The following DSCAM variants were observed in gnomAD, a reference collection of about 807,000 sequenced individuals.
DSCAM encodes the protein cell adhesion molecule DSCAM.
A neutral mutation model predicts 217.7 loss-of-function variants in DSCAM; 47 were observed. That is an observed-to-expected ratio of 0.22 (90% CI 0.17 to 0.28). DSCAM has a LOEUF of 0.28. Ranked by LOEUF, DSCAM falls within the 10% of genes least tolerant of loss-of-function variation. The probability of loss-of-function intolerance (pLI) is 1.00; values close to 1 mark genes in which losing one functional copy is unlikely to be tolerated. For synonymous variants in DSCAM, 1,056 were observed against 1,015.3 expected (o/e 1.04, Z -0.76); for missense variants, 2,080 against 2,618.3 (o/e 0.79, Z 4.49).
rs747284196 is a variant in DSCAM, at chr21:40,189,086, C to A, written c.2509G>T (p.Val837Leu). The A allele has an allele frequency of 6.8e-6, 11 of 1,614,166 alleles. No individual in the cohort carries two copies. The change falls in exon 12 of 33, where the codon GTG becomes TTG. Residue 837 changes from valine (V) to leucine (L), a missense_variant. Coordinates refer to ENST00000400454, the MANE Select transcript of DSCAM (RefSeq NM_001389.5). ...IINPEMARYLVSTKEVGEEVI... is the reference protein window; with the variant it reads ...IINPEMARYLLSTKEVGEEVI... ...TCTTCTCCCACCTCCTTGGTGGACA[C>A]AAGATAACGGGCCATCTCAGGGTTA...
chr21:40,754,668 GGGAAGTGTTGCTACTGGGCAGCT>G (rs1248886022), intron 1 of DSCAM, among the ~76,000 whole-genome samples: 11 of 152,188 alleles, frequency 7.2e-5, no homozygotes, highest in African/African-American at 2.7e-4. Context: ...GAGTCCTTAG[GGGAAGTGTTGCTACTGGGCAGCT>G]GGAAGTGCTG....
At chr21:40,533,571 A>ACCTG (rs1337900651) in intron 3 of DSCAM, among the ~76,000 whole-genome samples, 4 of 148,244 alleles carry the variant, frequency 2.7e-5, no homozygotes, top group African/African-American at 7.6e-5. Context: ...CCATCCATCC[A>ACCTG]TCCATCCATC....
intron 20 of DSCAM, among the ~76,000 whole-genome samples, chr21:40,096,046 G>A (rs1247568170): frequency 6.6e-6 from 1 of 152,176 alleles, no homozygotes; most frequent in Non-Finnish European, 1.5e-5. Flanking sequence ...AAAGGGAAAA[G>A]TCAAGCTGGG....
At chr21:40,455,932 T>G (rs1433493610) in intron 3 of DSCAM, among the ~76,000 whole-genome samples, 2 of 152,140 alleles carry the variant, frequency 1.3e-5, no homozygotes, top group African/African-American at 4.8e-5. Flanking sequence ...ATAACTGGTG[T>G]GCTCGGGGAA....
Position 40,321,034 on chromosome 21 carries a change from A to G in DSCAM, c.1784-8675T>C, listed in dbSNP as rs142238080. Among the ~76,000 whole-genome samples, 40 of 152,378 alleles carry G rather than the reference A, an allele frequency of 2.6e-4. No homozygotes were observed. The East Asian group carries it at 7.7e-3, about 29-fold the overall frequency. ...ATATCACATTCATTTGAAGAATCAT[A>G]CTACACATTACAAAATTGAATTATG... is the stretch of plus-strand genomic sequence containing the variant. On this transcript the variant is annotated intron_variant, in intron 8 of 32. Coordinates refer to ENST00000400454, the MANE Select transcript of DSCAM (RefSeq NM_001389.5).
chr21:40,801,909 G>C (rs1310900593), intron 1 of DSCAM, among the ~76,000 whole-genome samples: 1 of 152,084 alleles, frequency 6.6e-6, no homozygotes, highest in Non-Finnish European at 1.5e-5. Flanking sequence ...ACCACAAAGA[G>C]TTTCCACTAG....
chr21:40,332,120 C>T (rs529667869), intron 8 of DSCAM, among the ~76,000 whole-genome samples: 24 of 152,296 alleles, frequency 1.6e-4, no homozygotes, highest in South Asian at 1.5e-3. Context: ...TCTCCTTTTC[C>T]TCTCTCCAAT....
intron 27 of DSCAM, among the ~76,000 whole-genome samples, chr21:40,067,741 ATTCCCTCCCTCCCTCC>A (rs2089231363): frequency 3.7e-4 from 5 of 13,336 alleles, no homozygotes; most frequent in African/African-American, 9.1e-4. Context: ...CCCTCCCCTC[ATTCCCTCCCTCCCTCC>A]CTCCCTCCCT....
intron 3 of DSCAM, among the ~76,000 whole-genome samples, chr21:40,410,883 A>C (rs1242799774): frequency 2.4e-4 from 37 of 152,226 alleles, no homozygotes; most frequent in Non-Finnish European, 2.9e-5. Flanking sequence ...GCAGAAAGAA[A>C]AGAACATCAG....
intron 14 of DSCAM, among the ~76,000 whole-genome samples, chr21:40,185,518 C>T (rs2090884747): frequency 6.6e-6 from 1 of 152,166 alleles, no homozygotes; most frequent in South Asian, 2.1e-4. Flanking sequence ...TAGGAGAGGT[C>T]TCCTGTGTGC....
At chr21:40,707,074 T>C (rs1466035198) in intron 2 of DSCAM, among the ~76,000 whole-genome samples, 3 of 152,218 alleles carry the variant, frequency 2.0e-5, no homozygotes, top group Non-Finnish European at 4.4e-5. Context: ...ATTTAGAAGA[T>C]GATAGTTAAA....
intron 1 of DSCAM, among the ~76,000 whole-genome samples, chr21:40,760,438 C>A (rs974501774): frequency 2.6e-5 from 4 of 152,318 alleles, no homozygotes; most frequent in African/African-American, 9.6e-5. Flanking sequence ...TGCACAGGAG[C>A]CACAGGTCAT....
chr21:40,145,892 G>A (rs1425103077), intron 16 of DSCAM, among the ~76,000 whole-genome samples: 2 of 151,618 alleles, frequency 1.3e-5, no homozygotes, highest in Non-Finnish European at 2.9e-5. Flanking sequence ...AGGCTCTAGG[G>A]AATAAAGGTT....
At chr21:40,825,372 C>A (rs1394696692) in intron 1 of DSCAM, among the ~76,000 whole-genome samples, 1 of 151,868 alleles carries the variant, frequency 6.6e-6, no homozygotes, top group East Asian at 1.9e-4. Flanking sequence ...GGCTGGAGTG[C>A]AATGGCACGA....
At position 40,795,082 on chromosome 21, in the gene DSCAM, C is replaced by G. The variant is rs941086271; in HGVS notation, c.43+51537G>C. Among the ~76,000 whole-genome samples, 9 of 151,864 alleles carry G rather than the reference C, an allele frequency of 5.9e-5. 1 individual carries two copies. The East Asian group carries it at 1.7e-3, about 29-fold the overall frequency. On this transcript the variant is annotated intron_variant, in intron 1 of 32. Coordinates refer to ENST00000400454, the MANE Select transcript of DSCAM (RefSeq NM_001389.5). Reference sequence around the variant, plus strand: ...GCTGGTCTGCAAATTATTTGAACCCCTTTTTCCAACATCTGTGTCTTGTTA... The same window carrying G: ...GCTGGTCTGCAAATTATTTGAACCCGTTTTTCCAACATCTGTGTCTTGTTA...
chr21:40,706,687 G>A (rs567966307), intron 2 of DSCAM, among the ~76,000 whole-genome samples: 1 of 152,250 alleles, frequency 6.6e-6, no homozygotes, highest in East Asian at 1.9e-4. Context: ...CCCTTCATCT[G>A]TCTTTTTGAA....
chr21:40,695,939 A>G (rs1266151963), intron 2 of DSCAM, among the ~76,000 whole-genome samples: 1 of 152,150 alleles, frequency 6.6e-6, no homozygotes, highest in Admixed American at 6.5e-5. Flanking sequence ...CTATGGCGAT[A>G]TATCTCTCAG....
chr21:40,774,203 G>C (rs1238082382), intron 1 of DSCAM, among the ~76,000 whole-genome samples: 1 of 152,146 alleles, frequency 6.6e-6, no homozygotes, highest in Non-Finnish European at 1.5e-5. Flanking sequence ...CTCTCTCTCT[G>C]AGATTTTAAT....
chr21:40,692,426 G>A (rs899063489), intron 3 of DSCAM, among the ~76,000 whole-genome samples: 5 of 152,120 alleles, frequency 3.3e-5, no homozygotes, highest in African/African-American at 1.2e-4. Flanking sequence ...TGAAAACAGG[G>A]CTTCCATTTT....
Sources: allele counts gnomAD v4.1 joint callset (sites outside exome capture counted in the v4.1 genomes callset), GRCh38; gene constraint gnomAD v4.1.1; transcripts MANE v1.5; gene names NCBI Gene and HGNC (gene_info 2026-07-23, HGNC 2026-07-21).